SGK3: variants seen among roughly 807,000 people sequenced by gnomAD.
The protein encoded by SGK3 is serum/glucocorticoid regulated kinase family member 3, also known as serine/threonine-protein kinase Sgk3.
In SGK3, 47 loss-of-function variants were observed where a neutral mutation model predicts 68.5. The observed-to-expected ratio is 0.69, with a 90% confidence interval of 0.54 to 0.87. The LOEUF is 0.87. Ranked by LOEUF, SGK3 falls within the 40% of genes least tolerant of loss-of-function variation. The pLI, the probability that SGK3 is intolerant of heterozygous loss-of-function variation, is 0.00. For synonymous variants in SGK3, 181 were observed against 189.1 expected (o/e 0.96, Z 0.35); for missense variants, 479 against 575.5 (o/e 0.83, Z 1.72).
At chr8:66,784,281 T>C (rs1168873697) in intron 1 of SGK3, among the ~76,000 whole-genome samples, 1 of 152,184 alleles carries the variant, frequency 6.6e-6, no homozygotes, top group East Asian at 1.9e-4. Flanking sequence ...GGTGCCATTG[T>C]TTCTGAACAC....
chr8:66,734,138 T>A (rs1227100278), intron 1 of SGK3, among the ~76,000 whole-genome samples: 2 of 152,176 alleles, frequency 1.3e-5, no homozygotes, highest in African/African-American at 2.4e-5. Context: ...CTATCGCTGC[T>A]TTTTGTTGTA....
chr8:66,854,270 A>C (rs1378281079), intron 16 of SGK3, among the ~76,000 whole-genome samples: 1 of 152,250 alleles, frequency 6.6e-6, no homozygotes, highest in Non-Finnish European at 1.5e-5. Flanking sequence ...TTACATATAA[A>C]ATTTTGGAAA....
chr8:66,717,187 A>G (rs1475618269), intron 1 of SGK3, among the ~76,000 whole-genome samples: 2 of 148,548 alleles, frequency 1.3e-5, no homozygotes, highest in Non-Finnish European at 3.0e-5. Context: ...CCTGGGCAAC[A>G]AGAGTGAAAC....
intron 1 of SGK3, among the ~76,000 whole-genome samples, chr8:66,784,504 C>CT (rs1164133977): frequency 6.6e-6 from 1 of 152,072 alleles, no homozygotes; most frequent in African/African-American, 2.4e-5. Context: ...ATCAAACAAT[C>CT]TTTATGATGG....
At position 66,734,944 on chromosome 8, in the gene SGK3, C is replaced by CAAAAAA. The variant is rs35047133; in HGVS notation, c.-122+22122_-122+22127dup. On this transcript the variant is annotated intron_variant, in intron 1 of 16. Coordinates refer to ENST00000521198, the MANE Select transcript of SGK3 (RefSeq NM_001033578.3). The stretch of plus-strand genomic sequence containing the variant: ...TGGGCAGCAGAGCAAGGCTCCATCT[C>CAAAAAA]AAAAAAAAAAAAAAAAGTAGATATG... Among the ~76,000 whole-genome samples the CAAAAAA allele has an allele frequency of 1.3e-3, 120 of 91,130 alleles. 4 individuals carry two copies. Among genetic ancestry groups the CAAAAAA allele is most frequent in the African/African-American group, 4.0e-3 (110 of 27,410 alleles). The allele number at this position is 91,130 out of a possible 152,430, so 59.8% of individuals were successfully genotyped here.
chr8:66,821,678 ATTTTTTT>A (rs59399048), intron 5 of SGK3, among the ~76,000 whole-genome samples: 1 of 108,548 alleles, frequency 9.2e-6, no homozygotes, highest in East Asian at 2.7e-4. Context: ...ACGCCCGGCT[ATTTTTTT>A]TTTTTTTTTT....
At chr8:66,822,335 C>T (rs1413106394) in intron 5 of SGK3, 37 bp from the exon 6 acceptor site, 20 of 1,569,662 alleles carry the variant, frequency 1.3e-5, no homozygotes, top group East Asian at 4.6e-5. Flanking sequence ...TGTAGAAATG[C>T]TTTTGAAGTT....
At chr8:66,798,193 A>G (rs554004270) in intron 2 of SGK3, among the ~76,000 whole-genome samples, 28 of 152,086 alleles carry the variant, frequency 1.8e-4, no homozygotes, top group African/African-American at 6.7e-4. Flanking sequence ...TTTTTTGTAG[A>G]GACGGGGTCT....
intron 1 of SGK3, among the ~76,000 whole-genome samples, chr8:66,769,719 A>G (rs1806444369): frequency 6.6e-6 from 1 of 151,978 alleles, no homozygotes; most frequent in Non-Finnish European, 1.5e-5. Context: ...CTTTTTGAGT[A>G]TATTACTATT....
At chr8:66,722,471 TG>T (rs1216163994) in intron 1 of SGK3, among the ~76,000 whole-genome samples, 1 of 152,092 alleles carries the variant, frequency 6.6e-6, no homozygotes, top group Non-Finnish European at 1.5e-5. Flanking sequence ...TTAGTAGAGA[TG>T]GGGTTTCACC....
intron 4 of SGK3, among the ~76,000 whole-genome samples, chr8:66,811,976 A>G (rs2130637045): frequency 6.6e-6 from 1 of 152,358 alleles, no homozygotes; most frequent in East Asian, 1.9e-4. Context: ...TTAGACGAAC[A>G]AGAAAAAAGT....
At chr8:66,846,876 G>C (rs184766409) in intron 14 of SGK3, among the ~76,000 whole-genome samples, 1 of 152,146 alleles carries the variant, frequency 6.6e-6, no homozygotes, top group Non-Finnish European at 1.5e-5. Context: ...CAATGATTCT[G>C]TCATTATGCC....
At chr8:66,815,371 C>T (rs1808536986) in intron 5 of SGK3, among the ~76,000 whole-genome samples, 1 of 152,160 alleles carries the variant, frequency 6.6e-6, no homozygotes, top group Non-Finnish European at 1.5e-5. Context: ...TCCTCTGCCA[C>T]CTCTGGCAGG....
At chr8:66,732,534 A>G (rs1805191043) in intron 1 of SGK3, among the ~76,000 whole-genome samples, 1 of 152,192 alleles carries the variant, frequency 6.6e-6, no homozygotes, top group Non-Finnish European at 1.5e-5. Context: ...ACATATAAAA[A>G]TTATTTTGTA....
intron 16 of SGK3, among the ~76,000 whole-genome samples, chr8:66,851,138 A>G (rs183882852): frequency 6.6e-6 from 1 of 152,324 alleles, no homozygotes; most frequent in African/African-American, 2.4e-5. Flanking sequence ...CTTCCAGCAC[A>G]GTAATTGTAA....
intron 1 of SGK3, among the ~76,000 whole-genome samples, chr8:66,755,029 C>T (rs1010938336): frequency 2.0e-5 from 3 of 152,090 alleles, no homozygotes; most frequent in Admixed American, 2.0e-4. Context: ...GAGGCGGAAG[C>T]GGGTGGATCA....
At chr8:66,719,316 A>ATTTGTTTG (rs111716297) in intron 1 of SGK3, among the ~76,000 whole-genome samples, 2 of 145,094 alleles carry the variant, frequency 1.4e-5, no homozygotes, top group African/African-American at 5.1e-5. Flanking sequence ...TTTTTCTTTT[A>ATTTGTTTG]TTTGTTTGTT....
At chr8:66,835,628 A>T (rs1457017569) in intron 8 of SGK3, 135 bp from the exon 9 acceptor site, 1 of 947,682 alleles carries the variant, frequency 1.1e-6, no homozygotes, top group African/African-American at 1.7e-5. Flanking sequence ...TGATTTTTAA[A>T]ACAAAAACAT....
chr8:66,826,387 G>A (rs1356992993), intron 6 of SGK3, among the ~76,000 whole-genome samples: 1 of 152,078 alleles, frequency 6.6e-6, no homozygotes, highest in African/African-American at 2.4e-5. Context: ...CATTGTAAGA[G>A]TCTAAGGAAC....
Sources: allele counts gnomAD v4.1 joint callset (sites outside exome capture counted in the v4.1 genomes callset), GRCh38; gene constraint gnomAD v4.1.1; transcripts MANE v1.5; gene names NCBI Gene and HGNC (gene_info 2026-07-23, HGNC 2026-07-21).